Variants in ZZZ3 observed in about 807,000 individuals in gnomAD.
ZZZ3 encodes ZZ-type zinc finger-containing protein 3.
A neutral mutation model predicts 95.2 loss-of-function variants in ZZZ3; 22 were observed. The observed-to-expected ratio is 0.23, with a 90% confidence interval of 0.17 to 0.33. ZZZ3 has a LOEUF of 0.33. Ranked by LOEUF, ZZZ3 falls within the 10% of genes least tolerant of loss-of-function variation. The pLI is 1.00. For missense variants in ZZZ3, 885 were observed against 1,066.5 expected (o/e 0.83, Z 2.37); for synonymous variants, 335 against 358.9 (o/e 0.93, Z 0.75).
Position 77,563,454 on chromosome 1 carries a change from T to A in ZZZ3, c.*2186A>T, listed in dbSNP as rs920981123. 1 of 152,192 alleles carries A rather than the reference T, an allele frequency of 6.6e-6. No individual in the cohort carries two copies. Among genetic ancestry groups the A allele is most frequent in the Non-Finnish European group, 1.5e-5 (1 of 68,030 alleles). The allele number at this position is 152,192 out of a possible 1,614,324, so 9.4% of individuals were successfully genotyped here. A position where few individuals can be genotyped will look rare whatever the true frequency, so the allele number is the denominator to read the frequency against. ...CTGAAAAATGCAAAACAAACACATC[T>A]TCTGCTCAAGCCGAAAAATCTTCTT... On this transcript the variant is annotated 3_prime_UTR_variant, in exon 15 of 15. Transcript: ENST00000370801.
At chr1:77,588,951 C>A (rs1178520311) in intron 5 of ZZZ3, among the ~76,000 whole-genome samples, 1 of 152,216 alleles carries the variant, frequency 6.6e-6, no homozygotes, top group Non-Finnish European at 1.5e-5. Flanking sequence ...CAGATCATGG[C>A]TCAATGCAGC....
chr1:77,681,665 G>A (rs1313207612), intron 1 of ZZZ3, among the ~76,000 whole-genome samples: 2 of 152,150 alleles, frequency 1.3e-5, no homozygotes, highest in African/African-American at 4.8e-5. Context: ...GCCAAGGCAG[G>A]TGGATCACTT....
chr1:77,594,770 G>A (rs1664057685), intron 5 of ZZZ3, among the ~76,000 whole-genome samples: 1 of 151,452 alleles, frequency 6.6e-6, no homozygotes, highest in Non-Finnish European at 1.5e-5. Context: ...AAATACTATA[G>A]ATTAAAAAAA....
intron 12 of ZZZ3, among the ~76,000 whole-genome samples, chr1:77,575,119 G>A (rs1557690089): frequency 6.6e-6 from 1 of 152,208 alleles, no homozygotes; most frequent in African/African-American, 2.4e-5. Flanking sequence ...GGGAGGCAGA[G>A]GCTGCAGTGA....
At chr1:77,588,559 T>TA (rs1663337730) in intron 5 of ZZZ3, among the ~76,000 whole-genome samples, 1 of 152,138 alleles carries the variant, frequency 6.6e-6, no homozygotes, top group South Asian at 2.1e-4. Context: ...TCAAAACTAA[T>TA]AAAAGATGGT....
chr1:77,565,821 G>C, intron 14 of ZZZ3, 37 bp from the exon 15 acceptor site: 1 of 1,581,100 alleles, frequency 6.3e-7, no homozygotes, highest in Non-Finnish European at 8.6e-7. Flanking sequence ...TTACATGGTA[G>C]TGGATGCATT....
At position 77,668,220 on chromosome 1, in the gene ZZZ3, T is replaced by C. The variant is rs1570657732; in HGVS notation, c.-403+14365A>G. Among the ~76,000 whole-genome samples, 3 of 152,322 alleles carry C rather than the reference T, an allele frequency of 2.0e-5. No homozygotes were observed. In the South Asian group the frequency reaches 6.2e-4, roughly 32 times the overall value. The stretch of plus-strand genomic sequence containing the variant: ...ATTTTTAAGAGCCTATCAGTATTGA[T>C]TGCTTAAACTATCTGTGGTCATTAC... On this transcript the variant is annotated intron_variant, in intron 1 of 14. Transcript: ENST00000370801.
intron 12 of ZZZ3, among the ~76,000 whole-genome samples, chr1:77,573,484 C>T (rs1031165378): frequency 1.3e-5 from 2 of 152,088 alleles, no homozygotes; most frequent in East Asian, 1.9e-4. Flanking sequence ...CTCCCATAGA[C>T]GAAAATTTAT....
chr1:77,582,558 A>T (rs1316672310), intron 6 of ZZZ3, among the ~76,000 whole-genome samples: 1 of 152,134 alleles, frequency 6.6e-6, no homozygotes, highest in Non-Finnish European at 1.5e-5. Context: ...TAAAATAGGC[A>T]AATTGAGTTG....
In ZZZ3 at chr1:77,639,535, C is replaced by T; in HGVS notation, c.-138G>A. 7.5e-7 allele frequency: 1 copy of T among 1,328,088 alleles called. No individual in the cohort carries two copies. The highest frequency in any genetic ancestry group is 1.0e-6 in the Non-Finnish European group (1 of 999,574). 82.3% of individuals were successfully genotyped at this position (1,328,088 alleles called of 1,614,324 possible). A position where few individuals can be genotyped will look rare whatever the true frequency, so the allele number is the denominator to read the frequency against. ...GTTGGAGCTATGATCTAGAATGGAG[C>T]TTAAGCATCAGGGTTTCAGACTCTC... On this transcript the variant is annotated 5_prime_UTR_variant, in exon 4 of 15. Coordinates refer to ENST00000370801, the MANE Select transcript of ZZZ3 (RefSeq NM_015534.6).
At chr1:77,600,627 A>T (rs1664637011) in intron 5 of ZZZ3, among the ~76,000 whole-genome samples, 2 of 152,162 alleles carry the variant, frequency 1.3e-5, no homozygotes, top group African/African-American at 4.8e-5. Context: ...ACAATTAGCT[A>T]AGAAAAGGTA....
At chr1:77,666,120 A>G (rs541172439) in intron 1 of ZZZ3, among the ~76,000 whole-genome samples, 16 of 152,368 alleles carry the variant, frequency 1.1e-4, no homozygotes, top group African/African-American at 3.4e-4. Flanking sequence ...CTAAAACAGT[A>G]TATCAAACGT....
intron 12 of ZZZ3, among the ~76,000 whole-genome samples, chr1:77,570,367 T>C (rs1330770591): frequency 6.6e-6 from 1 of 152,180 alleles, no homozygotes; most frequent in African/African-American, 2.4e-5. Flanking sequence ...CCTCCCAAAG[T>C]GCTGGGATTA....
intron 5 of ZZZ3, among the ~76,000 whole-genome samples, chr1:77,611,678 C>T (rs1665826025): frequency 6.6e-6 from 1 of 151,950 alleles, no homozygotes; most frequent in South Asian, 2.1e-4. Flanking sequence ...GAAATAAACC[C>T]ACGTGTTTGC....
intron 5 of ZZZ3, among the ~76,000 whole-genome samples, chr1:77,592,732 C>A (rs1304791928): frequency 6.6e-6 from 1 of 152,094 alleles, no homozygotes; most frequent in Non-Finnish European, 1.5e-5. Context: ...TAAAAGGAAG[C>A]AAATAAAATA....
At chr1:77,626,214 A>G (rs1253182786) in intron 5 of ZZZ3, among the ~76,000 whole-genome samples, 3 of 152,010 alleles carry the variant, frequency 2.0e-5, no homozygotes, top group African/African-American at 2.4e-5. Context: ...GCAGTCCCCA[A>G]CCTTTTTGGC....
intron 5 of ZZZ3, among the ~76,000 whole-genome samples, chr1:77,593,380 C>T (rs1557707520): frequency 6.6e-6 from 1 of 152,090 alleles, no homozygotes; most frequent in African/African-American, 2.4e-5. Context: ...TGAAAATGGA[C>T]ATCTATTTAT....
At chr1:77,653,170 G>A (rs1031923688) in intron 1 of ZZZ3, among the ~76,000 whole-genome samples, 3 of 150,668 alleles carry the variant, frequency 2.0e-5, no homozygotes, top group African/African-American at 7.3e-5. Context: ...CTGGGCAAAA[G>A]GGCAAGATTC....
intron 5 of ZZZ3, among the ~76,000 whole-genome samples, chr1:77,620,970 A>G (rs895588722): frequency 1.4e-4 from 21 of 152,354 alleles, no homozygotes; most frequent in African/African-American, 4.8e-4. Flanking sequence ...TACACTAATT[A>G]TAACTACAGA....
Sources: allele counts gnomAD v4.1 joint callset (sites outside exome capture counted in the v4.1 genomes callset), GRCh38; gene constraint gnomAD v4.1.1; transcripts MANE v1.5; gene names NCBI Gene and HGNC (gene_info 2026-07-23, HGNC 2026-07-21).